The following DPH6 variants were observed in gnomAD, a reference collection of about 807,000 sequenced individuals.
The protein encoded by DPH6 is diphthamine biosynthesis 6, also known as diphthine--ammonia ligase.
A neutral mutation model predicts 38.2 loss-of-function variants in DPH6; 33 were observed. That is an observed-to-expected ratio of 0.86 (90% confidence interval 0.65 to 1.15). The LOEUF (loss-of-function observed/expected upper bound fraction) is 1.15. Ranked by LOEUF, DPH6 falls within the 50% of genes most tolerant of loss-of-function variation. The probability of loss-of-function intolerance (pLI) is 0.00; values close to 1 mark genes in which losing one functional copy is unlikely to be tolerated. For missense variants in DPH6, 325 were observed against 320.0 expected, an observed-to-expected ratio of 1.02 and a Z score of -0.12; for synonymous variants, 108 against 103.0, an observed-to-expected ratio of 1.05 and a Z score of -0.30.
intron 5 of DPH6, among the ~76,000 whole-genome samples, chr15:35,414,859 A>G (rs1404004825): frequency 6.6e-6 from 1 of 151,412 alleles, no homozygotes; most frequent in Non-Finnish European, 1.5e-5. Context: ...TCACTCTGTT[A>G]CTGTTTCATT....
At chr15:35,150,745 C>A in the DPH6 span, among the ~76,000 whole-genome samples, 1 of 152,078 alleles carries the variant, frequency 6.6e-6, no homozygotes, top group African/African-American at 2.4e-5. Flanking sequence ...AAGATTCAGG[C>A]CCCAGTGTTT....
chr15:35,545,270 C>A (rs1177867738), intron 1 of DPH6, among the ~76,000 whole-genome samples: 2 of 152,216 alleles, frequency 1.3e-5, no homozygotes, highest in Non-Finnish European at 2.9e-5. Context: ...AGTGTGTTCC[C>A]TTCTGCCTCA....
intron 3 of DPH6, among the ~76,000 whole-genome samples, chr15:35,487,397 T>C (rs2054418793): frequency 6.6e-6 from 1 of 152,240 alleles, no homozygotes; most frequent in Non-Finnish European, 1.5e-5. Flanking sequence ...CTTTGAAATC[T>C]AGGTGGAGGT....
intron 3 of DPH6, among the ~76,000 whole-genome samples, chr15:35,516,052 G>A (rs1030802488): frequency 6.6e-6 from 1 of 152,092 alleles, no homozygotes; most frequent in Non-Finnish European, 1.5e-5. Flanking sequence ...CGTATCAAGC[G>A]AAAGCAAAGC....
At chr15:35,179,204 C>CAAAAAAAAAAAAAAAAAAA in the DPH6 span, among the ~76,000 whole-genome samples, 1 of 50,592 alleles carries the variant, frequency 2.0e-5, no homozygotes, top group African/African-American at 7.9e-5. Flanking sequence ...ACAACTCTGT[C>CAAAAAAAAAAAAAAAAAAA]AAAAAAAAAA....
chr15:35,145,327 G>C, the DPH6 span, among the ~76,000 whole-genome samples: 1 of 152,182 alleles, frequency 6.6e-6, no homozygotes, highest in African/African-American at 2.4e-5. Context: ...ACTTAACAGA[G>C]AGTTTCATTT....
intron 3 of DPH6, among the ~76,000 whole-genome samples, chr15:35,292,478 C>T (rs943862576): frequency 6.6e-6 from 1 of 152,068 alleles, no homozygotes; most frequent in African/African-American, 2.4e-5. Context: ...ATATTATTTT[C>T]CCTGCTAAAT....
At chr15:35,149,185 T>A in the DPH6 span, among the ~76,000 whole-genome samples, 39 of 152,274 alleles carry the variant, frequency 2.6e-4, no homozygotes, top group African/African-American at 7.0e-4. Flanking sequence ...TAAACTAAAC[T>A]GAAAGCATTT....
chr15:35,426,478 G>C (rs2053571763), intron 5 of DPH6, among the ~76,000 whole-genome samples: 2 of 151,744 alleles, frequency 1.3e-5, no homozygotes, highest in Non-Finnish European at 3.0e-5. Flanking sequence ...AATGACAGAA[G>C]AACACGATGT....
At chr15:35,344,348 T>G (rs907150616) in intron 3 of DPH6, among the ~76,000 whole-genome samples, 11 of 151,966 alleles carry the variant, frequency 7.2e-5, no homozygotes, top group African/African-American at 2.7e-4. Context: ...AGTTTATAAT[T>G]AGGCTTGGGT....
At chr15:35,250,838 C>A (rs2051669079) in intron 3 of DPH6, among the ~76,000 whole-genome samples, 1 of 152,146 alleles carries the variant, frequency 6.6e-6, no homozygotes, top group Non-Finnish European at 1.5e-5. Flanking sequence ...AGAAAGGAAG[C>A]AAATTTTCAC....
intron 6 of DPH6, among the ~76,000 whole-genome samples, chr15:35,397,759 G>A (rs772329475): frequency 5.3e-5 from 8 of 151,986 alleles, no homozygotes; most frequent in African/African-American, 9.7e-5. Context: ...GCAGAATGCT[G>A]GAGGTTTATT....
chr15:35,330,902 A>G (rs1370913668), exon 4 of DPH6: 3 of 152,190 alleles, frequency 2.0e-5, no homozygotes, highest in Non-Finnish European at 4.4e-5. Flanking sequence ...TTTCTGTTTT[A>G]AAAAGCAATT....
At chr15:35,264,588 TC>T (rs1165016806) in intron 3 of DPH6, among the ~76,000 whole-genome samples, 4 of 152,208 alleles carry the variant, frequency 2.6e-5, no homozygotes, top group African/African-American at 9.7e-5. Context: ...CTTAAGTAGC[TC>T]TTGTATCTCC....
chr15:35,485,493 G>C (rs944560129), intron 3 of DPH6, among the ~76,000 whole-genome samples: 2 of 152,124 alleles, frequency 1.3e-5, no homozygotes, highest in Non-Finnish European at 2.9e-5. Context: ...ATTATCTTCT[G>C]ATATGAGCAA....
At chr15:35,258,385 A>G (rs2051721999) in intron 3 of DPH6, among the ~76,000 whole-genome samples, 1 of 152,210 alleles carries the variant, frequency 6.6e-6, no homozygotes, top group Non-Finnish European at 1.5e-5. Flanking sequence ...GGACACTTTC[A>G]CTGTGACATT....
At chr15:35,156,947 T>A in the DPH6 span, among the ~76,000 whole-genome samples, 1 of 152,158 alleles carries the variant, frequency 6.6e-6, no homozygotes, top group Non-Finnish European at 1.5e-5. Flanking sequence ...TTCTTTGAAC[T>A]AATTTTGGAG....
At chr15:35,400,073 A>AC (rs1408685561) in intron 6 of DPH6, among the ~76,000 whole-genome samples, 1 of 152,230 alleles carries the variant, frequency 6.6e-6, no homozygotes, top group African/African-American at 2.4e-5. Flanking sequence ...TCTGGAAAAG[A>AC]TTCTTCAGGA....
Position 35,475,478 on chromosome 15 carries a change from A to G in DPH6, c.313-20658T>C, listed in dbSNP as rs74459941. Among the ~76,000 whole-genome samples the G allele has an allele frequency of 6.6e-3, 999 of 152,132 alleles. 18 individuals carry two copies. Among genetic ancestry groups the G allele is most frequent in the African/African-American group, 0.023 (962 of 41,574 alleles). On this transcript the variant is annotated intron_variant, in intron 3 of 8. Coordinates refer to ENST00000256538, the MANE Select transcript of DPH6 (RefSeq NM_080650.4). ...AAAGTCTTTTCAGATGAAGCATGGAATAAGATGACCGACCAACTATCCGGT... is the reference window on the plus strand; with the variant it reads ...AAAGTCTTTTCAGATGAAGCATGGAGTAAGATGACCGACCAACTATCCGGT...
Sources: allele counts gnomAD v4.1 joint callset (sites outside exome capture counted in the v4.1 genomes callset), GRCh38; gene constraint gnomAD v4.1.1; transcripts MANE v1.5; gene names NCBI Gene and HGNC (gene_info 2026-07-23, HGNC 2026-07-21).